The following PPP2R1B variants were observed in gnomAD, a reference collection of about 807,000 sequenced individuals.
PPP2R1B encodes protein phosphatase 2 scaffold subunit Abeta.
PPP2R1B carries 58 observed loss-of-function variants against 72.7 expected under a neutral mutation model. The ratio of observed to expected loss-of-function variants is 0.80; its 90% CI spans 0.65 to 0.99. The LOEUF (loss-of-function observed/expected upper bound fraction) is 0.99, where lower values mean the gene tolerates loss of function less well. Among genes scored for constraint, PPP2R1B ranks in the 50% least tolerant of loss-of-function variants. The pLI, the probability that PPP2R1B is intolerant of heterozygous loss-of-function variation, is 0.00. For synonymous variants in PPP2R1B, 256 were observed against 264.6 expected (o/e 0.97, Z 0.32); for missense variants, 695 against 733.6 (o/e 0.95, Z 0.61).
chr11:111,726,215 G>T (rs1037558208), downstream of PPP2R1B: 4 of 152,198 alleles, frequency 2.6e-5, no homozygotes, highest in African/African-American at 9.7e-5. Flanking sequence ...GATTGAAAAT[G>T]GGGGCCACTC....
intron 6 of PPP2R1B, 61 bp from the exon 7 acceptor site, chr11:111,755,155 C>G: frequency 2.6e-6 from 4 of 1,540,334 alleles, no homozygotes; most frequent in Non-Finnish European, 2.7e-6. Context: ...AAGAACAAAA[C>G]AAAATTGTGC....
chr11:111,758,258 T>C (rs1288130082), intron 5 of PPP2R1B, among the ~76,000 whole-genome samples: 2 of 152,208 alleles, frequency 1.3e-5, no homozygotes, highest in Non-Finnish European at 2.9e-5. Context: ...TATATTTCTG[T>C]TGTAAAGCAC....
In PPP2R1B at chr11:111,755,358, A is replaced by G. The variant is rs201169001; in HGVS notation, c.780T>C (p.Leu260=). The change falls in exon 6 of 15, where the codon CTT becomes CTC. Residue 260 remains leucine, a synonymous_variant. Transcript: ENST00000527614. ...AAGATTTATCTTCTGCTGCTTGTCG[A>G]AGTGTAGGCATCACCAAAGTCTCAA... is the stretch of plus-strand genomic sequence containing the variant. ...DDLETLVMPT[L]RQAAEDKSWR... The G allele has an allele frequency of 1.6e-5, 26 of 1,613,842 alleles. 1 individual carries two copies. The Middle Eastern group carries it at 1.2e-3, about 72-fold the overall frequency.
the PPP2R1B span, among the ~76,000 whole-genome samples, chr11:111,713,397 T>C: frequency 6.6e-6 from 1 of 152,156 alleles, no homozygotes; most frequent in Non-Finnish European, 1.5e-5. Flanking sequence ...AGTGTGAACT[T>C]GGGCCACGTA....
chr11:111,723,814 G>GCCGCCA (rs1565399544), downstream of PPP2R1B: 9 of 1,612,668 alleles, frequency 5.6e-6, no homozygotes, highest in East Asian at 2.2e-5. Context: ...AGCAGCAGCA[G>GCCGCCA]CCGCCACCGC....
At chr11:111,759,755 A>T in intron 5 of PPP2R1B, 49 bp downstream of exon 5, 1 of 1,501,458 alleles carries the variant, frequency 6.7e-7, no homozygotes. Flanking sequence ...CTGAAAATTT[A>T]GAGGAAAGGA....
the PPP2R1B span, among the ~76,000 whole-genome samples, chr11:111,698,935 C>T: frequency 6.6e-6 from 1 of 152,140 alleles, no homozygotes; most frequent in Non-Finnish European, 1.5e-5. Context: ...ACATCTAGTC[C>T]TTGACTCATG....
At chr11:111,743,753 C>T (rs1224133478) in intron 11 of PPP2R1B, among the ~76,000 whole-genome samples, 1 of 152,154 alleles carries the variant, frequency 6.6e-6, no homozygotes, top group Non-Finnish European at 1.5e-5. Flanking sequence ...TATGCATCAT[C>T]AATTATTTAA....
chr11:111,697,254 G>A, the PPP2R1B span, among the ~76,000 whole-genome samples: 2 of 152,162 alleles, frequency 1.3e-5, no homozygotes, highest in Non-Finnish European at 2.9e-5. Flanking sequence ...TCTTCAGAGA[G>A]TTTAAATCAG....
downstream of PPP2R1B, chr11:111,723,903 C>T (rs779392505): frequency 3.7e-6 from 6 of 1,613,582 alleles, no homozygotes; most frequent in African/African-American, 4.0e-5. Context: ...TGTGAGCTGC[C>T]AAGCGCTGCT....
intron 5 of PPP2R1B, among the ~76,000 whole-genome samples, chr11:111,757,399 T>C (rs1170786813): frequency 6.6e-6 from 1 of 152,248 alleles, no homozygotes; most frequent in Non-Finnish European, 1.5e-5. Context: ...CACATTCCTC[T>C]GTATGCAGGT....
downstream of PPP2R1B, chr11:111,721,919 G>T (rs1318724034): frequency 6.2e-7 from 1 of 1,610,134 alleles, no homozygotes. Flanking sequence ...TGGAGACCCA[G>T]TACCTGCAGC....
At chr11:111,741,923 C>T (rs1424854082) in intron 14 of PPP2R1B, 130 bp downstream of exon 14, 7 of 889,546 alleles carry the variant, frequency 7.9e-6, no homozygotes, top group African/African-American at 1.6e-5. Flanking sequence ...CACCAGCATT[C>T]CAGGAACTTA....
downstream of PPP2R1B, chr11:111,725,430 C>CTT (rs1255654274): frequency 6.6e-6 from 1 of 152,544 alleles, no homozygotes; most frequent in Non-Finnish European, 1.5e-5. Context: ...TTAACCAACA[C>CTT]TTACAATTCA....
chr11:111,719,333 T>G, the PPP2R1B span, among the ~76,000 whole-genome samples: 5 of 127,906 alleles, frequency 3.9e-5, no homozygotes, highest in East Asian at 1.3e-3. Context: ...GTTGAAAAAA[T>G]AGAAGAATCT....
At chr11:111,714,300 T>G in the PPP2R1B span, among the ~76,000 whole-genome samples, 1 of 152,064 alleles carries the variant, frequency 6.6e-6, no homozygotes, top group Non-Finnish European at 1.5e-5. Flanking sequence ...GCCAAGAAAT[T>G]TAGATGTTTT....
In PPP2R1B at chr11:111,741,630, A is replaced by G; in HGVS notation, c.1790-18T>C. 6.2e-7 allele frequency: 1 copy of G among 1,613,368 alleles called. No individual in the cohort carries two copies. The highest frequency in any genetic ancestry group is 2.2e-5 in the East Asian group (1 of 44,854). ...TGCAAGAACTGGAAAATTCCAAACA[A>G]AATCAGGTTAGTGGTACAGAAAGTT... On this transcript the variant is annotated intron_variant, in intron 14 of 14. Coordinates refer to ENST00000527614, the MANE Select transcript of PPP2R1B (RefSeq NM_002716.5).
downstream of PPP2R1B, chr11:111,722,846 C>T: frequency 8.3e-7 from 1 of 1,201,238 alleles, no homozygotes; most frequent in South Asian, 1.3e-5. The surrounding 1 kb of genome is among the most constrained non-coding windows in gnomAD (Gnocchi z 4.4). Flanking sequence ...CTCACATTCG[C>T]CACTACTAGG....
downstream of PPP2R1B, among the ~76,000 whole-genome samples, chr11:111,737,089 AT>A (rs1944360716): frequency 1.3e-5 from 2 of 152,202 alleles, no homozygotes; most frequent in South Asian, 4.1e-4. Context: ...TCACTTCTAT[AT>A]TATGTGAGGA....
Sources: allele counts gnomAD v4.1 joint callset (sites outside exome capture counted in the v4.1 genomes callset), GRCh38; gene constraint gnomAD v4.1.1; non-coding constraint Gnocchi (gnomAD v3.1); transcripts MANE v1.5; gene names NCBI Gene and HGNC (gene_info 2026-07-23, HGNC 2026-07-21).